Variants in PTPRR observed in about 807,000 individuals in gnomAD.
PTPRR encodes the protein protein tyrosine phosphatase receptor type R.
In PTPRR, 38 loss-of-function variants were observed where a neutral mutation model predicts 77.2. That is an observed-to-expected ratio of 0.49 (90% CI 0.38 to 0.65). The LOEUF (loss-of-function observed/expected upper bound fraction) is 0.65, where lower values mean the gene tolerates loss of function less well. PTPRR is among the 30% of genes least tolerant of loss of function. PTPRR has a pLI of 0.00. For synonymous variants in PTPRR, 299 were observed against 283.1 expected (o/e 1.06, Z -0.57); for missense variants, 744 against 799.2 (o/e 0.93, Z 0.83).
At chr12:70,862,080 G>A (rs1432152146) in intron 2 of PTPRR, among the ~76,000 whole-genome samples, 1 of 152,114 alleles carries the variant, frequency 6.6e-6, no homozygotes. Flanking sequence ...ATGATTAGTA[G>A]TAGAGAAAGT....
intron 8 of PTPRR, among the ~76,000 whole-genome samples, chr12:70,688,431 C>T (rs1303528548): frequency 6.6e-6 from 1 of 152,118 alleles, no homozygotes; most frequent in Non-Finnish European, 1.5e-5. Flanking sequence ...AAATGTCCAA[C>T]AGATCTACGA....
intron 2 of PTPRR, among the ~76,000 whole-genome samples, chr12:70,869,704 G>C (rs1892928167): frequency 6.6e-6 from 1 of 152,096 alleles, no homozygotes; most frequent in South Asian, 2.1e-4. Context: ...CTGATGAAGA[G>C]GTCAGATGGG....
At chr12:70,920,193 C>A in intron 1 of PTPRR, 140 bp downstream of exon 1, 2 of 846,888 alleles carry the variant, frequency 2.4e-6, no homozygotes, top group Non-Finnish European at 3.7e-6. Flanking sequence ...GACTCCCTCA[C>A]CCCTTCCCTG....
At chr12:70,869,536 C>T (rs1010478283) in intron 2 of PTPRR, among the ~76,000 whole-genome samples, 1 of 152,178 alleles carries the variant, frequency 6.6e-6, no homozygotes, top group Non-Finnish European at 1.5e-5. Context: ...TTCTTGGGAC[C>T]TGTGAATATT....
intron 2 of PTPRR, among the ~76,000 whole-genome samples, chr12:70,863,456 C>A (rs1277201706): frequency 6.6e-6 from 1 of 152,040 alleles, no homozygotes; most frequent in Non-Finnish European, 1.5e-5. Context: ...GCTTTAATTG[C>A]CTAGCATGCT....
chr12:70,782,073 T>C (rs1040197907), intron 2 of PTPRR, among the ~76,000 whole-genome samples: 1 of 152,196 alleles, frequency 6.6e-6, no homozygotes, highest in African/African-American at 2.4e-5. Flanking sequence ...TGAGAAAAGA[T>C]ACCCAAATTT....
At chr12:70,709,616 A>G (rs1421907915) in intron 6 of PTPRR, among the ~76,000 whole-genome samples, 1 of 152,138 alleles carries the variant, frequency 6.6e-6, no homozygotes, top group African/African-American at 2.4e-5. Context: ...TCTGAAGCGA[A>G]TAAACAACTT....
At chr12:70,780,779 C>A (rs905129183) in intron 2 of PTPRR, among the ~76,000 whole-genome samples, 5 of 152,096 alleles carry the variant, frequency 3.3e-5, no homozygotes, top group Non-Finnish European at 7.4e-5. Flanking sequence ...TAATAATATT[C>A]CTGGATTCTT....
intron 2 of PTPRR, among the ~76,000 whole-genome samples, chr12:70,849,498 A>G (rs1476838501): frequency 1.3e-5 from 2 of 152,230 alleles, no homozygotes; most frequent in African/African-American, 2.4e-5. Context: ...TTCTTTCATT[A>G]ACATAGCATG....
intron 1 of PTPRR, among the ~76,000 whole-genome samples, chr12:70,910,502 T>G (rs1893684789): frequency 6.6e-6 from 1 of 152,236 alleles, no homozygotes. Context: ...ATCTCCTTCC[T>G]GTCTTAAAAG....
intron 2 of PTPRR, among the ~76,000 whole-genome samples, chr12:70,826,153 T>A (rs926028829): frequency 2.6e-5 from 4 of 151,966 alleles, no homozygotes; most frequent in African/African-American, 9.7e-5. Flanking sequence ...TAGGGAGGGG[T>A]AGGAAAGCAA....
chr12:70,693,352 C>T (rs565835384), intron 8 of PTPRR, among the ~76,000 whole-genome samples: 75 of 152,026 alleles, frequency 4.9e-4, no homozygotes, highest in Non-Finnish European at 1.3e-4. Flanking sequence ...GTGGCTACTC[C>T]CAGATGTGAT....
intron 5 of PTPRR, among the ~76,000 whole-genome samples, chr12:70,748,525 G>A (rs1890284357): frequency 6.6e-6 from 1 of 152,102 alleles, no homozygotes; most frequent in Non-Finnish European, 1.5e-5. Context: ...CTGGAATAAA[G>A]TCATGTAATA....
intron 2 of PTPRR, among the ~76,000 whole-genome samples, chr12:70,821,750 C>T (rs775868672): frequency 5.9e-5 from 9 of 151,946 alleles, no homozygotes; most frequent in Non-Finnish European, 1.3e-4. Flanking sequence ...CTGCAAGCTC[C>T]GCCTCCTGGG....
At chr12:70,860,733 C>T (rs1402490582) in intron 2 of PTPRR, among the ~76,000 whole-genome samples, 1 of 151,966 alleles carries the variant, frequency 6.6e-6, no homozygotes, top group Non-Finnish European at 1.5e-5. Context: ...ATAGACTAGT[C>T]AGGATATTAA....
chr12:70,736,450 G>A (rs565691550), intron 6 of PTPRR, among the ~76,000 whole-genome samples: 2 of 152,210 alleles, frequency 1.3e-5, no homozygotes, highest in Admixed American at 1.3e-4. Context: ...CCCAAAGCAT[G>A]CCAATTTATT....
intron 2 of PTPRR, among the ~76,000 whole-genome samples, chr12:70,776,162 A>G (rs981027463): frequency 6.6e-6 from 1 of 152,106 alleles, no homozygotes; most frequent in Non-Finnish European, 1.5e-5. Flanking sequence ...CTACATTCAC[A>G]TAATGGAATG....
At chr12:70,779,392 G>A (rs190004502) in intron 2 of PTPRR, among the ~76,000 whole-genome samples, 185 of 151,988 alleles carry the variant, frequency 1.2e-3, no homozygotes, top group Non-Finnish European at 2.0e-3. Context: ...TTATGGGCTT[G>A]GCATGCACCT....
intron 2 of PTPRR, among the ~76,000 whole-genome samples, chr12:70,889,472 C>T (rs772327135): frequency 5.9e-5 from 9 of 152,120 alleles, no homozygotes; most frequent in Non-Finnish European, 1.0e-4. Flanking sequence ...AGCTATCACA[C>T]GTTTTTGGAT....
Sources: gnomAD v4.1 joint callset for allele counts (sites outside exome capture counted in the v4.1 genomes callset) on GRCh38, gnomAD v4.1.1 for gene constraint, MANE v1.5 for transcripts, NCBI Gene and HGNC (gene_info 2026-07-23, HGNC 2026-07-21) for gene names.